Variants in NOL7 observed in about 807,000 individuals in gnomAD.
The protein encoded by NOL7 is U3 small nucleolar RNA-associated protein NOL7.
A neutral mutation model predicts 38.4 loss-of-function variants in NOL7; 36 were observed. That is an observed-to-expected ratio of 0.94 (90% confidence interval 0.72 to 1.24). NOL7 has a LOEUF of 1.24. Ranked by LOEUF, NOL7 falls within the 50% of genes most tolerant of loss-of-function variation. NOL7 has a pLI of 0.00. For synonymous variants in NOL7, 142 were observed against 126.5 expected, an observed-to-expected ratio of 1.12 and a Z score of -0.82; for missense variants, 350 against 315.1, an observed-to-expected ratio of 1.11 and a Z score of -0.84.
Position 13,615,902 on chromosome 6 carries a change from T to C in NOL7, c.327+130T>C, listed in dbSNP as rs74376183. 205 of 961,430 alleles carry C rather than the reference T, an allele frequency of 2.1e-4. 4 individuals carry two copies. In the East Asian group the frequency reaches 4.1e-3, roughly 19 times the overall value. The allele number at this position is 961,430 out of a possible 1,614,324, so 59.6% of individuals were successfully genotyped here. A position where few individuals can be genotyped will look rare whatever the true frequency, so the allele number is the denominator to read the frequency against. ...TCACCAAGATTGCCTCTGACAGTGG[T>C]GGAAAGATGCTCGGGCCGGGCGCGG... On this transcript the variant is annotated intron_variant, in intron 2 of 7. Coordinates refer to ENST00000451315, the MANE Select transcript of NOL7 (RefSeq NM_016167.5).
At chr6:13,625,477 C>G (rs890948477), downstream of NOL7, among the ~76,000 whole-genome samples, 1 of 152,064 alleles carries the variant, frequency 6.6e-6, no homozygotes, top group Non-Finnish European at 1.5e-5. Flanking sequence ...CTATTTAAAT[C>G]CACTTGAATC....
chr6:13,616,343 A>G, intron 2 of NOL7, 120 bp from the exon 3 acceptor site: 2 of 634,250 alleles, frequency 3.2e-6, no homozygotes, highest in East Asian at 5.6e-5. Context: ...GGCAGTTTCC[A>G]GCCTAATTCA....
At chr6:13,626,572 G>A (rs561671873), downstream of NOL7, among the ~76,000 whole-genome samples, 79 of 152,298 alleles carry the variant, frequency 5.2e-4, no homozygotes, top group African/African-American at 1.8e-3. Flanking sequence ...TTCAATAAAT[G>A]ACGTCTTATT....
intron 8 of NOL7, among the ~76,000 whole-genome samples, chr6:13,631,388 T>C (rs1211984531): frequency 6.6e-6 from 1 of 152,160 alleles, no homozygotes; most frequent in Non-Finnish European, 1.5e-5. Flanking sequence ...AGATTTCAGA[T>C]TTTTTCAAAT....
Position 13,615,343 on chromosome 6 carries a change from T to G in NOL7, c.-16T>G. 1 of 1,473,470 alleles carries G rather than the reference T, an allele frequency of 6.8e-7. No homozygotes were observed. The highest frequency in any genetic ancestry group is 8.9e-7 in the Non-Finnish European group (1 of 1,118,336). 91.3% of individuals were successfully genotyped at this position (1,473,470 alleles called of 1,614,324 possible). A position where few individuals can be genotyped will look rare whatever the true frequency, so the allele number is the denominator to read the frequency against. ...CTTCCGGGTCAGAGGTCAGACGGTC[T>G]AGCGCTGCGTGGGCCATGGTGCAGC... On this transcript the variant is annotated 5_prime_UTR_variant, in exon 1 of 8. Coordinates refer to ENST00000451315, the MANE Select transcript of NOL7 (RefSeq NM_016167.5).
downstream of NOL7, among the ~76,000 whole-genome samples, chr6:13,624,300 T>TA (rs776374088): frequency 3.1e-4 from 47 of 152,340 alleles, no homozygotes; most frequent in Non-Finnish European, 5.1e-4. Context: ...ATTCTTGCTG[T>TA]AAGAGTCCTG....
At chr6:13,629,189 C>T (rs1469441590) in intron 8 of NOL7, among the ~76,000 whole-genome samples, 1 of 152,208 alleles carries the variant, frequency 6.6e-6, no homozygotes, top group Non-Finnish European at 1.5e-5. Context: ...CAGCTCACTG[C>T]AGCCTCGAGC....
chr6:13,622,508 T>C, downstream of NOL7: 1 of 1,551,106 alleles, frequency 6.4e-7, no homozygotes, highest in Non-Finnish European at 8.7e-7. Flanking sequence ...GAAAAATAAT[T>C]TAAAAATGAG....
downstream of NOL7, among the ~76,000 whole-genome samples, chr6:13,623,555 T>C (rs1764517920): frequency 6.6e-6 from 1 of 152,184 alleles, no homozygotes; most frequent in African/African-American, 2.4e-5. Context: ...TGTGGTGTCT[T>C]GAGGGTTCAC....
In NOL7 at chr6:13,620,450, A is replaced by G. The variant is rs760009783; in HGVS notation, c.665A>G (p.Lys222Arg). 2 of 1,614,050 alleles carry G rather than the reference A, an allele frequency of 1.2e-6. No individual in the cohort carries two copies. Among genetic ancestry groups the G allele is most frequent in the Non-Finnish European group, 1.7e-6 (2 of 1,180,030 alleles). Reference sequence around the variant, plus strand: ...CTTGCCAACAAGAGGTTACCAGTGAAAAGAGCTGCTGTCCAGTTTTTGAAT... The same window carrying G: ...CTTGCCAACAAGAGGTTACCAGTGAGAAGAGCTGCTGTCCAGTTTTTGAAT... Reference protein sequence around the residue: ...LSLANKRLPVKRAAVQFLNNA... With the variant: ...LSLANKRLPVRRAAVQFLNNA... The change falls in exon 7 of 8, where the codon AAA (lysine) becomes AGA (arginine). Residue 222 changes from lysine to arginine, a missense_variant. Coordinates refer to ENST00000451315, the MANE Select transcript of NOL7 (RefSeq NM_016167.5).
rs763239332 is a variant in NOL7 at position 13,618,137 on chromosome 6, C to T, written c.498C>T (p.Val166=). 3 of 1,554,118 alleles carry T rather than the reference C, an allele frequency of 1.9e-6. No homozygotes were observed. The highest frequency in any genetic ancestry group is 2.7e-6 in the Non-Finnish European group (3 of 1,128,522). ...TTAAAGTACAAAAAGTACAGTCTGT[C>T]AGGTAATGAGTCTTTTGTTTCATTT... The part of the protein sequence containing the change: ...KKVKVQKVQS[V]SQNKSYLAVR... The change falls in exon 5 of 8, where the codon GTC becomes GTT. Residue 166 remains valine (V), a splice_region_variant and synonymous_variant. Coordinates refer to ENST00000451315, the MANE Select transcript of NOL7 (RefSeq NM_016167.5).
At position 13,620,459 on chromosome 6, in the gene NOL7, C is replaced by CT. The variant is rs750004768; in HGVS notation, c.675dup (p.Val226CysfsTer6). ...AAGAGGTTACCAGTGAAAAGAGCTG[C>CT]TGTCCAGTTTTTGAATAATGCTTGG... On this transcript the variant is annotated frameshift_variant, in exon 7 of 8. Transcript: ENST00000451315. LOFTEE classifies it high-confidence loss of function. The CT allele has an allele frequency of 1.9e-6, 3 of 1,614,054 alleles. No homozygotes were observed. The highest frequency in any genetic ancestry group is 2.5e-6 in the Non-Finnish European group (3 of 1,179,970).
intron 8 of NOL7, among the ~76,000 whole-genome samples, chr6:13,629,886 C>T (rs1473438924): frequency 1.4e-5 from 2 of 146,368 alleles, no homozygotes; most frequent in Non-Finnish European, 3.0e-5. Context: ...CTCTCTCTCT[C>T]ATGTCTCTGT....
intron 8 of NOL7, among the ~76,000 whole-genome samples, chr6:13,629,284 T>C (rs7752078): frequency 0.01 from 1,542 of 152,190 alleles, 14 homozygotes; most frequent in African/African-American, 0.035. Flanking sequence ...CCTCGTGTAG[T>C]TATTTAAAAA....
chr6:13,626,113 A>G (rs975773496), downstream of NOL7, among the ~76,000 whole-genome samples: 3 of 152,216 alleles, frequency 2.0e-5, no homozygotes, highest in South Asian at 6.2e-4. Context: ...ATTACTACTG[A>G]TATGAATGTG....
intron 8 of NOL7, among the ~76,000 whole-genome samples, chr6:13,631,477 G>A (rs79929076): frequency 0.017 from 2,544 of 152,132 alleles, 75 homozygotes; most frequent in African/African-American, 0.056. Flanking sequence ...GTATCATGTC[G>A]GCACTCTTAA....
At chr6:13,623,554 T>C (rs1450427044), downstream of NOL7, among the ~76,000 whole-genome samples, 1 of 152,232 alleles carries the variant, frequency 6.6e-6, no homozygotes, top group Non-Finnish European at 1.5e-5. Context: ...GTGTGGTGTC[T>C]TGAGGGTTCA....
At chr6:13,631,740 CTTAAG>C (rs1273911544) in intron 8 of NOL7, among the ~76,000 whole-genome samples, 1 of 152,194 alleles carries the variant, frequency 6.6e-6, no homozygotes, top group African/African-American at 2.4e-5. Context: ...GCAATGCTGA[CTTAAG>C]TTAGGAGAAA....
rs1031303519 is a variant in NOL7 at position 13,620,578 on chromosome 6, C to T, written c.700+93C>T. The T allele has an allele frequency of 1.7e-5, 21 of 1,205,498 alleles. No homozygotes were observed. The African/African-American group carries it at 2.7e-4, about 16-fold the overall frequency. 74.7% of individuals were successfully genotyped at this position (1,205,498 alleles called of 1,614,324 possible). ...ATAGTTCATAATTATACTTTTCCCCCTTATAATGGCTTATATATTAAGTTA... is the reference window on the plus strand; with the variant it reads ...ATAGTTCATAATTATACTTTTCCCCTTTATAATGGCTTATATATTAAGTTA... On this transcript the variant is annotated intron_variant, in intron 7 of 7. Coordinates refer to ENST00000451315, the MANE Select transcript of NOL7 (RefSeq NM_016167.5).
Sources: gnomAD v4.1 joint callset for allele counts (sites outside exome capture counted in the v4.1 genomes callset) on GRCh38, gnomAD v4.1.1 for gene constraint, MANE v1.5 for transcripts, NCBI Gene and HGNC (gene_info 2026-07-23, HGNC 2026-07-21) for gene names.